Variants in PCDHGB1 observed in about 807,000 individuals in gnomAD.
PCDHGB1 encodes protocadherin gamma-B1.
PCDHGB1 carries 34 observed loss-of-function variants against 56.6 expected under a neutral mutation model. The observed-to-expected ratio is 0.60, with a 90% CI of 0.46 to 0.80. The LOEUF is 0.80. Among genes scored for constraint, PCDHGB1 ranks in the 30% least tolerant of loss-of-function variants. PCDHGB1 has a pLI of 0.00. For synonymous variants in PCDHGB1, 561 were observed against 505.9 expected (o/e 1.11, Z -1.46); for missense variants, 1,278 against 1,204.6 (o/e 1.06, Z -0.90).
chr5:141,351,592 T>G lies in PCDHGB1; in HGVS notation c.1332T>G (p.Asn444Lys). Residue 444 changes from asparagine (N) to lysine (K), a missense_variant, in exon 1 of 4, where the codon AAT becomes AAG. Asn to Lys is a moderately conservative substitution (Grantham distance 94, BLOSUM62 0). Coordinates refer to ENST00000523390, the MANE Select transcript of PCDHGB1 (RefSeq NM_018922.3). Reference protein sequence around the residue: ...ITLHISDINDNAPVFHQASYV... With the variant: ...ITLHISDINDKAPVFHQASYV... ...TGCACATCTCCGACATCAACGACAA[T>G]GCACCTGTTTTCCATCAGGCCTCCT... The G allele has an allele frequency of 1.9e-6, 3 of 1,613,928 alleles. No homozygotes were observed. Among genetic ancestry groups the G allele is most frequent in the Non-Finnish European group, 1.7e-6 (2 of 1,179,874 alleles).
intron 1 of PCDHGB1, chr5:141,423,357 C>T: frequency 6.2e-7 from 1 of 1,614,214 alleles, no homozygotes; most frequent in Non-Finnish European, 8.5e-7. Context: ...TCTTTGTCAT[C>T]GTGCTGCTGG....
At chr5:141,356,830 A>C in intron 1 of PCDHGB1, 1 of 1,614,156 alleles carries the variant, frequency 6.2e-7, no homozygotes, top group Non-Finnish European at 8.5e-7. Flanking sequence ...TCCACTCAGC[A>C]GCAATGTGTC....
At chr5:141,419,547 T>C (rs2096397603) in intron 1 of PCDHGB1, 6 of 1,612,070 alleles carry the variant, frequency 3.7e-6, no homozygotes, top group Non-Finnish European at 5.1e-6. Context: ...CCGCGGGTGC[T>C]GTACCCTGCG....
At chr5:141,393,857 C>A (rs753457502) in intron 1 of PCDHGB1, 3 of 1,613,860 alleles carry the variant, frequency 1.9e-6, no homozygotes, top group Non-Finnish European at 2.5e-6. Flanking sequence ...CAGAAGTGAT[C>A]ATTACGTCTT....
intron 1 of PCDHGB1, chr5:141,415,314 C>G (rs375384840): frequency 1.9e-6 from 3 of 1,614,238 alleles, no homozygotes; most frequent in South Asian, 1.1e-5. Context: ...CCTTCGTCAT[C>G]GTGCTGCTGG....
chr5:141,507,483 T>G (rs2099860964), intron 3 of PCDHGB1, among the ~76,000 whole-genome samples: 1 of 152,184 alleles, frequency 6.6e-6, no homozygotes, highest in South Asian at 2.1e-4. Context: ...GCTGGCCTCC[T>G]GAGGCAGAGC....
chr5:141,366,763 C>T (rs1764787065), intron 1 of PCDHGB1: 3 of 1,604,810 alleles, frequency 1.9e-6, no homozygotes, highest in Non-Finnish European at 2.6e-6. Context: ...TTAGTTTTCT[C>T]TTTCGGTAAG....
chr5:141,510,656 A>C (rs761093897), intron 3 of PCDHGB1, among the ~76,000 whole-genome samples: 4 of 152,304 alleles, frequency 2.6e-5, no homozygotes, highest in Non-Finnish European at 5.9e-5. Flanking sequence ...CCCATTTTGC[A>C]GATGAGAAAA....
intron 1 of PCDHGB1, chr5:141,359,984 G>A (rs927658696): frequency 3.4e-6 from 3 of 894,908 alleles, no homozygotes; most frequent in Non-Finnish European, 3.1e-6. Context: ...GCCTCTTAGA[G>A]GGGAACTTCC....
intron 1 of PCDHGB1, chr5:141,365,395 G>A (rs753717509): frequency 6.2e-7 from 1 of 1,613,860 alleles, no homozygotes; most frequent in Non-Finnish European, 8.5e-7. Flanking sequence ...TGACCAGTTC[G>A]ATCTCTGAAG....
At position 141,486,791 on chromosome 5, in the gene PCDHGB1, C is replaced by T. The variant is rs766519569; in HGVS notation, c.2410-8016C>T. 1.8e-5 allele frequency: 29 copies of T among 1,614,108 alleles called. No homozygotes were observed. The highest frequency in any genetic ancestry group is 2.2e-5 in the Non-Finnish European group (26 of 1,180,054). On this transcript the variant is annotated intron_variant, in intron 1 of 3. Coordinates refer to ENST00000523390, the MANE Select transcript of PCDHGB1 (RefSeq NM_018922.3). The surrounding 1 kb of genome is among the most constrained non-coding windows in gnomAD (Gnocchi z 5.0). ...GCAGTTTGAGGTGCAGGCCCGGGAT[C>T]GGGGCAACCCACCCCTTAGCAGCAC...
At position 141,488,726 on chromosome 5, in the gene PCDHGB1, G is replaced by A. The variant is rs1562126303; in HGVS notation, c.2410-6081G>A. 2.0e-5 allele frequency among the ~76,000 whole-genome samples: 3 copies of A among 152,194 alleles called. No homozygotes were observed. The South Asian group carries it at 6.2e-4, about 32-fold the overall frequency. ...TGCTGGTTCAAGCAAAGTGGTGGAA[G>A]CTTCTGAAGTCATGCAGGAAGTTGC... On this transcript the variant is annotated intron_variant, in intron 1 of 3. Transcript: ENST00000523390.
Position 141,485,842 on chromosome 5 carries a change from T to G in PCDHGB1, c.2410-8965T>G. 4 of 1,614,002 alleles carry G rather than the reference T, an allele frequency of 2.5e-6. No homozygotes were observed. The highest frequency in any genetic ancestry group is 3.4e-6 in the Non-Finnish European group (4 of 1,179,982). On this transcript the variant is annotated intron_variant, in intron 1 of 3. Coordinates refer to ENST00000523390, the MANE Select transcript of PCDHGB1 (RefSeq NM_018922.3). The surrounding 1 kb of genome is among the most constrained non-coding windows in gnomAD (Gnocchi z 5.7). ...TCGATGGAGGGAACCCGCCGAGATC[T>G]GGCACCGCAGAGCTCCGGGTATCCG...
chr5:141,505,443 C>A lies in PCDHGB1; in HGVS notation c.2519C>A (p.Thr840Lys). ...TGTWPNNQFD[T>K]EMLQAMILAS... ...ACCTGGCCCAACAACCAGTTTGACA[C>A]AGAGATGCTGCAAGCCATGATCTTG... Residue 840 changes from threonine to lysine, a missense_variant, in exon 3 of 4, where the codon ACA becomes AAA. Physicochemically the swap from Thr to Lys is moderately conservative, Grantham distance 78. Transcript: ENST00000523390. 2 of 1,614,224 alleles carry A rather than the reference C, an allele frequency of 1.2e-6. No homozygotes were observed. Among genetic ancestry groups the A allele is most frequent in the Non-Finnish European group, 8.5e-7 (1 of 1,180,042 alleles).
At chr5:141,433,361 A>G (rs1208326325) in intron 1 of PCDHGB1, 15 of 297,508 alleles carry the variant, frequency 5.0e-5, no homozygotes, top group Non-Finnish European at 7.0e-5. Context: ...CTGTCTGCCT[A>G]TCTATCTATC....
chr5:141,471,846 T>C (rs2099265433), intron 1 of PCDHGB1, among the ~76,000 whole-genome samples: 1 of 152,180 alleles, frequency 6.6e-6, no homozygotes. Context: ...AATAAAATAT[T>C]CAGAAAAAGC....
chr5:141,400,717 G>C (rs2094065619), intron 1 of PCDHGB1: 1 of 672,320 alleles, frequency 1.5e-6, no homozygotes. Context: ...TAGCCTTATA[G>C]ATTTACAAAG....
chr5:141,495,005 C>CG (rs2099758180), intron 2 of PCDHGB1, 140 bp downstream of exon 2: 6 of 1,522,802 alleles, frequency 3.9e-6, no homozygotes, highest in Admixed American at 2.0e-5. Context: ...TCTTGGTGTG[C>CG]GGGGGGCTGG....
intron 1 of PCDHGB1, among the ~76,000 whole-genome samples, chr5:141,470,664 G>A (rs1308061207): frequency 6.6e-6 from 1 of 151,882 alleles, no homozygotes; most frequent in Non-Finnish European, 1.5e-5. Context: ...CTTTGGTTAG[G>A]GCTCTGCTGT....
Sources: gnomAD v4.1 joint callset for allele counts (sites outside exome capture counted in the v4.1 genomes callset) on GRCh38, gnomAD v4.1.1 for gene constraint, Gnocchi (gnomAD v3.1) non-coding constraint, MANE v1.5 for transcripts, NCBI Gene and HGNC (gene_info 2026-07-23, HGNC 2026-07-21) for gene names.